UBE4A: variants seen among roughly 807,000 people sequenced by gnomAD.
UBE4A encodes ubiquitin conjugation factor E4 A.
In UBE4A, 48 loss-of-function variants were observed where a neutral mutation model predicts 117.9. The ratio of observed to expected loss-of-function variants is 0.41; its 90% confidence interval spans 0.32 to 0.52. The LOEUF (loss-of-function observed/expected upper bound fraction) is 0.52. UBE4A is among the 20% of genes least tolerant of loss of function. The probability of loss-of-function intolerance (pLI) is 0.33; values close to 1 mark genes in which losing one functional copy is unlikely to be tolerated. For missense variants in UBE4A, 1,067 were observed against 1,296.3 expected, an observed-to-expected ratio of 0.82 and a Z score of 2.72; for synonymous variants, 407 against 450.0, an observed-to-expected ratio of 0.90 and a Z score of 1.21.
chr11:118,381,612 A>T, intron 12 of UBE4A, 89 bp downstream of exon 12: 1 of 1,527,160 alleles, frequency 6.5e-7, no homozygotes, highest in Non-Finnish European at 8.8e-7. Flanking sequence ...AGCCTGAATC[A>T]TAAGGGGTTG....
intron 10 of UBE4A, 43 bp from the exon 11 acceptor site, chr11:118,379,403 T>C: frequency 6.4e-7 from 1 of 1,571,002 alleles, no homozygotes; most frequent in Non-Finnish European, 8.7e-7. Flanking sequence ...TTTGTGACTT[T>C]CTGTTTTCCC....
chr11:118,381,308 T>C, intron 11 of UBE4A, 83 bp from the exon 12 acceptor site: 3 of 1,507,606 alleles, frequency 2.0e-6, no homozygotes, highest in South Asian at 2.6e-5. Context: ...CTTCATTAAG[T>C]AGGGTGAAAG....
intron 15 of UBE4A, 72 bp downstream of exon 15, chr11:118,385,017 C>T: frequency 1.4e-6 from 2 of 1,383,106 alleles, no homozygotes; most frequent in South Asian, 2.5e-5. Context: ...ATACATTTTA[C>T]CTTTTAATCA....
At chr11:118,380,160 TG>T (rs1948691562) in intron 11 of UBE4A, among the ~76,000 whole-genome samples, 1 of 133,924 alleles carries the variant, frequency 7.5e-6, no homozygotes, top group African/African-American at 2.7e-5. Context: ...TGTGTGTGTG[TG>T]TGTGTGTGTG....
rs782620431 is a variant in UBE4A at position 118,389,840 on chromosome 11, C to T, written c.2703C>T (p.Phe901=). 3.1e-6 allele frequency: 5 copies of T among 1,613,714 alleles called. No individual in the cohort carries two copies. The highest frequency in any genetic ancestry group is 4.2e-6 in the Non-Finnish European group (5 of 1,179,674). Residue 901 remains phenylalanine (F), a synonymous_variant, in exon 17 of 20, where the codon TTC becomes TTT. Coordinates refer to ENST00000252108, the MANE Select transcript of UBE4A (RefSeq NM_001204077.2). ...PKMGALKVKD[F]SEFDFKPQQL... ...TGGGTGCCTTAAAAGTCAAGGACTT[C>T]AGCGAATTTGACTTCAAACCCCAGC...
intron 1 of UBE4A, among the ~76,000 whole-genome samples, chr11:118,363,460 T>C (rs1948536253): frequency 6.6e-6 from 1 of 152,154 alleles, no homozygotes. Context: ...GCCTAAGTCA[T>C]TACAGCTAAT....
intron 3 of UBE4A, 131 bp from the exon 4 acceptor site, chr11:118,369,292 C>G: frequency 3.1e-6 from 2 of 643,386 alleles, no homozygotes; most frequent in South Asian, 3.8e-5. Context: ...TTAGATGTTG[C>G]TTTGTGTATC....
At position 118,384,752 on chromosome 11, in the gene UBE4A, T is replaced by C. The variant is rs1555126883; in HGVS notation, c.2298+17T>C. On this transcript the variant is annotated intron_variant, in intron 14 of 19. Coordinates refer to ENST00000252108, the MANE Select transcript of UBE4A (RefSeq NM_001204077.2). ...AGCATTAAGGTGAGAGAGTTTTTGA[T>C]GAAACCTGTTGCTTTATATAAGCCC... is the stretch of plus-strand genomic sequence containing the variant. 4 of 1,612,844 alleles carry C rather than the reference T, an allele frequency of 2.5e-6. No homozygotes were observed. In the South Asian group the frequency reaches 4.4e-5, roughly 18 times the overall value.
chr11:118,378,358 G>A (rs1222291434), intron 10 of UBE4A: 1 of 151,996 alleles, frequency 6.6e-6, no homozygotes, highest in Non-Finnish European at 1.5e-5. Context: ...GAGATCAATA[G>A]GACCACAAAA....
Position 118,372,655 on chromosome 11 carries a change from T to G in UBE4A, c.710T>G (p.Ile237Ser). 6.2e-7 allele frequency: 1 copy of G among 1,614,054 alleles called. No homozygotes were observed. The highest frequency in any genetic ancestry group is 8.5e-7 in the Non-Finnish European group (1 of 1,179,996). Residue 237 changes from isoleucine (I) to serine (S), a missense_variant, in exon 6 of 20, where the codon ATC becomes AGC. Physicochemically the swap from Ile to Ser is moderately radical, Grantham distance 142. Transcript: ENST00000252108. The stretch of plus-strand genomic sequence containing the variant: ...CTGGTAGATTTGATGTTAGAAGCCA[T>G]CCAGGGAGCCCGTGAGTACATGAAC... Reference protein sequence around the residue: ...EQLVDLMLEAIQGAHFEDVTE... With the variant: ...EQLVDLMLEASQGAHFEDVTE...
chr11:118,359,622 C>G lies in UBE4A; in HGVS notation c.-94C>G, dbSNP rs998335368. ...GCTGTGCTGAGTCGGAAGTGGGAAC[C>G]CTTCGGCCGCTGAGATTCTGTCGTG... On this transcript the variant is annotated 5_prime_UTR_variant, in exon 1 of 20. Transcript: ENST00000252108. The G allele has an allele frequency of 6.6e-6, 1 of 152,230 alleles. No individual in the cohort carries two copies. Among genetic ancestry groups the G allele is most frequent in the Admixed American group, 6.6e-5 (1 of 15,264 alleles). 9.4% of individuals were successfully genotyped at this position (152,230 alleles called of 1,614,324 possible). A position where few individuals can be genotyped will look rare whatever the true frequency, so the allele number is the denominator to read the frequency against.
chr11:118,362,446 C>T (rs760610903), intron 1 of UBE4A, among the ~76,000 whole-genome samples: 7 of 152,162 alleles, frequency 4.6e-5, no homozygotes, highest in Non-Finnish European at 7.3e-5. Flanking sequence ...TTAAGAGCTT[C>T]TCTGTCATAT....
chr11:118,389,700 TC>T, intron 16 of UBE4A, 24 bp from the exon 17 acceptor site: 2 of 1,562,366 alleles, frequency 1.3e-6, no homozygotes, highest in Non-Finnish European at 1.7e-6. Context: ...GATTGAGTTT[TC>T]AGAGACTTTG....
At chr11:118,372,738 A>G in intron 6 of UBE4A, 72 bp downstream of exon 6, 2 of 1,594,818 alleles carry the variant, frequency 1.3e-6, no homozygotes, top group Non-Finnish European at 8.6e-7. Flanking sequence ...TAATTGCATT[A>G]GAAAGTCTCA....
chr11:118,396,541 C>CTTTTT lies in UBE4A; in HGVS notation c.*102_*106dup. On this transcript the variant is annotated 3_prime_UTR_variant, in exon 20 of 20. Transcript: ENST00000252108. ...TTCTGTTCCTTTTCTTTCTTCTTTT[C>CTTTTT]TTTTTCTTTTTTTTTTTTTTTTTTA... 1 of 911,748 alleles carries CTTTTT rather than the reference C, an allele frequency of 1.1e-6. No individual in the cohort carries two copies. Among genetic ancestry groups the CTTTTT allele is most frequent in the Non-Finnish European group, 1.5e-6 (1 of 684,430 alleles). 56.5% of individuals were successfully genotyped at this position (911,748 alleles called of 1,614,324 possible).
intron 19 of UBE4A, among the ~76,000 whole-genome samples, chr11:118,394,588 T>C (rs1948851108): frequency 6.6e-6 from 1 of 151,992 alleles, no homozygotes; most frequent in South Asian, 2.1e-4. Context: ...CTGGCCAACA[T>C]GGTGAAACCC....
In UBE4A at chr11:118,390,689, A is replaced by G; in HGVS notation, c.2801A>G (p.Lys934Arg). Reference sequence around the variant, plus strand: ...GAGAATTTCTGTGCCACTGTGCCCAAGGATGGACGTTCCTATTCCCCAACT... The same window carrying G: ...GAGAATTTCTGTGCCACTGTGCCCAGGGATGGACGTTCCTATTCCCCAACT... Reference protein sequence around the residue: ...DEENFCATVPKDGRSYSPTLF... With the variant: ...DEENFCATVPRDGRSYSPTLF... Residue 934 changes from lysine (K) to arginine (R), a missense_variant, in exon 18 of 20, where the codon AAG (lysine) becomes AGG (arginine). Physicochemically the swap from Lys to Arg is conservative, Grantham distance 26 (BLOSUM62 2). This residue lies in a region of UBE4A where 1,001 missense variants were observed against 1,184.0 expected (regional missense o/e 0.85). Transcript: ENST00000252108. 1 of 1,558,130 alleles carries G rather than the reference A, an allele frequency of 6.4e-7. No individual in the cohort carries two copies. Among genetic ancestry groups the G allele is most frequent in the East Asian group, 2.4e-5 (1 of 41,334 alleles).
At chr11:118,378,071 C>T (rs1311477258) in intron 10 of UBE4A, among the ~76,000 whole-genome samples, 1 of 151,884 alleles carries the variant, frequency 6.6e-6, no homozygotes, top group African/African-American at 2.4e-5. Flanking sequence ...CATGGTGAAA[C>T]CCCGTCTCTA....
Position 118,372,656 on chromosome 11 carries a change from C to T in UBE4A, c.711C>T (p.Ile237=). The change falls in exon 6 of 20, where the codon ATC becomes ATT. Residue 237 remains isoleucine, a synonymous_variant. Coordinates refer to ENST00000252108, the MANE Select transcript of UBE4A (RefSeq NM_001204077.2). ...TGGTAGATTTGATGTTAGAAGCCAT[C>T]CAGGGAGCCCGTGAGTACATGAACA... ...EQLVDLMLEA[I]QGAHFEDVTE... The T allele has an allele frequency of 1.2e-6, 2 of 1,613,992 alleles. No individual in the cohort carries two copies. Among genetic ancestry groups the T allele is most frequent in the Non-Finnish European group, 1.7e-6 (2 of 1,179,986 alleles).
Sources: allele counts gnomAD v4.1 joint callset (sites outside exome capture counted in the v4.1 genomes callset), GRCh38; gene constraint gnomAD v4.1.1; regional missense constraint gnomAD v4.1.1; transcripts MANE v1.5; gene names NCBI Gene and HGNC (gene_info 2026-07-23, HGNC 2026-07-21).